Variants in ABLIM1 observed in about 807,000 individuals in gnomAD.
The protein encoded by ABLIM1 is actin-binding LIM protein 1.
A neutral mutation model predicts 107.0 loss-of-function variants in ABLIM1; 40 were observed. The observed-to-expected ratio is 0.37, with a 90% CI of 0.29 to 0.49. ABLIM1 has a LOEUF of 0.49. Among genes scored for constraint, ABLIM1 ranks in the 20% least tolerant of loss-of-function variants. ABLIM1 has a pLI of 0.97. For missense variants in ABLIM1, 857 were observed against 1,008.5 expected, an observed-to-expected ratio of 0.85 and a Z score of 2.04; for synonymous variants, 357 against 357.3, an observed-to-expected ratio of 1.00 and a Z score of 0.01.
chr10:114,747,556 G>A (rs545104742), intron 1 of ABLIM1, among the ~76,000 whole-genome samples: 24 of 152,278 alleles, frequency 1.6e-4, no homozygotes, highest in African/African-American at 5.8e-4. Context: ...ATGTAGGGGA[G>A]TCACATGGTC....
intron 1 of ABLIM1, among the ~76,000 whole-genome samples, chr10:114,679,100 G>A (rs960470016): frequency 6.6e-6 from 1 of 152,076 alleles, no homozygotes; most frequent in Non-Finnish European, 1.5e-5. Context: ...GCCGTCAAGA[G>A]GTCACGCATA....
At chr10:114,474,028 G>A in intron 8 of ABLIM1, 72 bp from the exon 9 acceptor site, 1 of 1,183,846 alleles carries the variant, frequency 8.4e-7, no homozygotes. Flanking sequence ...GGGCCCTTAA[G>A]CTTTACTAAA....
chr10:114,545,426 C>T (rs979630982), intron 5 of ABLIM1, among the ~76,000 whole-genome samples: 1 of 152,098 alleles, frequency 6.6e-6, no homozygotes, highest in Non-Finnish European at 1.5e-5. Context: ...CCCCTGGGCA[C>T]GTAGGAGTAC....
At chr10:114,684,143 A>G (rs2080864692) in intron 1 of ABLIM1, 1 of 760,726 alleles carries the variant, frequency 1.3e-6, no homozygotes, top group African/African-American at 1.7e-5. Flanking sequence ...CTATCACAGA[A>G]ATAGATTGTA....
At chr10:114,489,071 C>T in intron 7 of ABLIM1, among the ~76,000 whole-genome samples, 1 of 151,844 alleles carries the variant, frequency 6.6e-6, no homozygotes, top group Admixed American at 6.6e-5. Context: ...GGCTGGAGTG[C>T]AAGTGGCACA....
intron 12 of ABLIM1, 59 bp downstream of exon 12, chr10:114,465,639 A>G: frequency 6.3e-7 from 1 of 1,585,452 alleles, no homozygotes. Context: ...ATAGTAGGGG[A>G]AAAAATCACA....
At chr10:114,642,707 T>C (rs960677967) in intron 1 of ABLIM1, among the ~76,000 whole-genome samples, 1 of 152,176 alleles carries the variant, frequency 6.6e-6, no homozygotes, top group African/African-American at 2.4e-5. Context: ...TAATATATTT[T>C]GGCAAAATTT....
intron 1 of ABLIM1, among the ~76,000 whole-genome samples, chr10:114,734,009 T>C (rs1011480572): frequency 2.6e-5 from 4 of 152,088 alleles, no homozygotes; most frequent in African/African-American, 9.7e-5. Context: ...TACAGGCGTG[T>C]GCCACCATGC....
At chr10:114,661,063 C>G (rs1162048342), upstream of ABLIM1, among the ~76,000 whole-genome samples, 1 of 152,070 alleles carries the variant, frequency 6.6e-6, no homozygotes, top group East Asian at 1.9e-4. Context: ...GTTTACAGAT[C>G]CATATATTTA....
intron 6 of ABLIM1, among the ~76,000 whole-genome samples, chr10:114,509,266 G>C (rs370622493): frequency 6.6e-6 from 1 of 152,184 alleles, no homozygotes; most frequent in Non-Finnish European, 1.5e-5. Flanking sequence ...AGGACTCCCA[G>C]GACGAGTCAG....
intron 1 of ABLIM1, among the ~76,000 whole-genome samples, chr10:114,644,085 C>A (rs544670782): frequency 1.1e-4 from 16 of 149,994 alleles, no homozygotes; most frequent in Non-Finnish European, 2.1e-4. Context: ...ATAGAGACCA[C>A]CCTGGCTAAC....
intron 1 of ABLIM1, among the ~76,000 whole-genome samples, chr10:114,638,606 C>T (rs1384459951): frequency 6.6e-6 from 1 of 150,380 alleles, no homozygotes; most frequent in African/African-American, 2.5e-5. Context: ...AAGAGCCTCT[C>T]GTCCCATGCC....
chr10:114,754,164 T>G (rs920633734), intron 1 of ABLIM1, among the ~76,000 whole-genome samples: 1 of 152,194 alleles, frequency 6.6e-6, no homozygotes, highest in Admixed American at 6.5e-5. Flanking sequence ...CTGGTCAGGT[T>G]TAAGAGAACA....
intron 10 of ABLIM1, among the ~76,000 whole-genome samples, chr10:114,468,831 C>A (rs976186831): frequency 3.3e-5 from 5 of 151,510 alleles, no homozygotes; most frequent in Non-Finnish European, 7.4e-5. Flanking sequence ...GCTGGCGGAC[C>A]ACAAGGTCAG....
intron 1 of ABLIM1, among the ~76,000 whole-genome samples, chr10:114,742,357 G>A (rs1479368491): frequency 2.3e-4 from 35 of 152,106 alleles, no homozygotes; most frequent in Non-Finnish European, 8.8e-5. Context: ...GACTAAAAAT[G>A]GCCAAAAGTA....
intron 1 of ABLIM1, among the ~76,000 whole-genome samples, chr10:114,721,006 C>T (rs963632038): frequency 6.6e-6 from 1 of 152,242 alleles, no homozygotes; most frequent in Non-Finnish European, 1.5e-5. Context: ...AAGCCAGGGT[C>T]AGCACACCTG....
chr10:114,744,065 C>T (rs1036253183), intron 1 of ABLIM1, among the ~76,000 whole-genome samples: 5 of 152,058 alleles, frequency 3.3e-5, no homozygotes, highest in African/African-American at 7.2e-5. Context: ...GTGGCGTGGG[C>T]GTAGAAGCAG....
At chr10:114,482,028 A>G (rs1297232294) in intron 8 of ABLIM1, among the ~76,000 whole-genome samples, 1 of 152,238 alleles carries the variant, frequency 6.6e-6, no homozygotes, top group Non-Finnish European at 1.5e-5. Flanking sequence ...TTTGTAGGTC[A>G]GTCAATTCAT....
intron 1 of ABLIM1, among the ~76,000 whole-genome samples, chr10:114,708,789 A>G (rs1344942070): frequency 6.6e-6 from 1 of 152,172 alleles, no homozygotes; most frequent in Non-Finnish European, 1.5e-5. Flanking sequence ...TAAACTTTGC[A>G]CCAAGCTGAT....
Sources: gnomAD v4.1 joint callset for allele counts (sites outside exome capture counted in the v4.1 genomes callset) on GRCh38, gnomAD v4.1.1 for gene constraint, MANE v1.5 for transcripts, NCBI Gene and HGNC (gene_info 2026-07-23, HGNC 2026-07-21) for gene names.